The following SPIDR variants were observed in gnomAD, a reference collection of about 807,000 sequenced individuals.
SPIDR encodes the protein DNA repair-scaffolding protein.
A neutral mutation model predicts 104.6 loss-of-function variants in SPIDR; 93 were observed. The ratio of observed to expected loss-of-function variants is 0.89; its 90% CI spans 0.75 to 1.06. The LOEUF is 1.06. Among genes scored for constraint, SPIDR ranks in the 50% least tolerant of loss-of-function variants. The probability of loss-of-function intolerance (pLI) is 0.00; values close to 1 mark genes in which losing one functional copy is unlikely to be tolerated. For synonymous variants in SPIDR, 431 were observed against 416.9 expected (o/e 1.03, Z -0.41); for missense variants, 1,154 against 1,111.2 (o/e 1.04, Z -0.55).
intron 8 of SPIDR, among the ~76,000 whole-genome samples, chr8:47,477,144 G>GA (rs1351922843): frequency 6.6e-6 from 1 of 152,098 alleles, no homozygotes; most frequent in African/African-American, 2.4e-5. Context: ...CAGGGCCTAT[G>GA]AAACACTTAA....
intron 5 of SPIDR, among the ~76,000 whole-genome samples, chr8:47,334,143 A>G (rs2049269847): frequency 6.6e-6 from 1 of 152,202 alleles, no homozygotes; most frequent in Non-Finnish European, 1.5e-5. Flanking sequence ...AAGATGTTAT[A>G]TAATTTCTGT....
chr8:47,378,947 G>A (rs1416805785), intron 5 of SPIDR, among the ~76,000 whole-genome samples: 5 of 152,234 alleles, frequency 3.3e-5, no homozygotes, highest in African/African-American at 1.2e-4. Context: ...CTAAAGAGCA[G>A]AACCTATATT....
At chr8:47,370,882 C>G (rs2057927842) in intron 5 of SPIDR, among the ~76,000 whole-genome samples, 1 of 152,096 alleles carries the variant, frequency 6.6e-6, no homozygotes, top group Admixed American at 6.5e-5. Flanking sequence ...CCTGTAGCCC[C>G]TGCCACATTT....
intron 8 of SPIDR, among the ~76,000 whole-genome samples, chr8:47,534,968 A>G (rs2086659709): frequency 6.6e-6 from 1 of 152,140 alleles, no homozygotes; most frequent in Non-Finnish European, 1.5e-5. Flanking sequence ...GACCATTACT[A>G]CTGATCCCAT....
intron 8 of SPIDR, among the ~76,000 whole-genome samples, chr8:47,540,441 G>A (rs1466922530): frequency 1.3e-5 from 2 of 152,072 alleles, no homozygotes; most frequent in Admixed American, 1.3e-4. Flanking sequence ...TATTTTACCA[G>A]GAAAAGCATT....
chr8:47,345,660 C>A (rs1367442093), intron 5 of SPIDR, among the ~76,000 whole-genome samples: 6 of 152,112 alleles, frequency 3.9e-5, no homozygotes, highest in Admixed American at 3.9e-4. Flanking sequence ...TTGTAGTTCT[C>A]CTTGAAGAGG....
At chr8:47,553,705 C>T (rs749659987) in intron 8 of SPIDR, among the ~76,000 whole-genome samples, 6 of 152,146 alleles carry the variant, frequency 3.9e-5, no homozygotes, top group South Asian at 2.1e-4. Context: ...TCCTTTAGCT[C>T]GGAGAAGTTT....
intron 5 of SPIDR, among the ~76,000 whole-genome samples, chr8:47,393,936 A>C (rs1588122614): frequency 1.4e-5 from 2 of 141,156 alleles, no homozygotes; most frequent in East Asian, 2.1e-4. Context: ...CTTTCTTCTC[A>C]CTCTGTCACC....
intron 7 of SPIDR, among the ~76,000 whole-genome samples, chr8:47,409,361 A>G (rs2063196069): frequency 6.6e-6 from 1 of 152,110 alleles, no homozygotes; most frequent in South Asian, 2.1e-4. Context: ...GTTTTTCAAC[A>G]AATTGCTTGA....
At chr8:47,709,308 T>G (rs1448146492) in intron 14 of SPIDR, among the ~76,000 whole-genome samples, 1 of 152,120 alleles carries the variant, frequency 6.6e-6, no homozygotes, top group East Asian at 1.9e-4. Context: ...ACCAGCTAAT[T>G]TTTGTATTTT....
At chr8:47,489,299 T>C (rs1564118602) in intron 8 of SPIDR, among the ~76,000 whole-genome samples, 1 of 152,202 alleles carries the variant, frequency 6.6e-6, no homozygotes, top group Non-Finnish European at 1.5e-5. Context: ...TTACAAGGGA[T>C]GTGAAGGACC....
chr8:47,414,958 C>G (rs1450072648), intron 7 of SPIDR, among the ~76,000 whole-genome samples: 1 of 152,088 alleles, frequency 6.6e-6, no homozygotes, highest in African/African-American at 2.4e-5. Context: ...GGCTGGAGTG[C>G]AGTGGCACCA....
At chr8:47,343,892 A>G (rs1267024895) in intron 5 of SPIDR, among the ~76,000 whole-genome samples, 1 of 152,088 alleles carries the variant, frequency 6.6e-6, no homozygotes, top group Non-Finnish European at 1.5e-5. Flanking sequence ...AAATGCTTGT[A>G]GGACATTCTT....
At chr8:47,682,731 A>G (rs775258975) in intron 11 of SPIDR, among the ~76,000 whole-genome samples, 11 of 152,222 alleles carry the variant, frequency 7.2e-5, no homozygotes, top group Non-Finnish European at 1.3e-4. Flanking sequence ...AAGGTATAAC[A>G]TAAGGAATAG....
chr8:47,407,882 A>G lies in SPIDR; in HGVS notation c.798A>G (p.Leu266=). The G allele has an allele frequency of 6.2e-7, 1 of 1,601,584 alleles. No homozygotes were observed. Residue 266 remains leucine (L), a synonymous_variant, in exon 7 of 20, where the codon CTA becomes CTG. Coordinates refer to ENST00000297423, the MANE Select transcript of SPIDR (RefSeq NM_001080394.4). ...KLLRGGLAER[L]NGLQNRERSA... is the part of the protein sequence containing the mutation. ...ACAGAGGTGGACTAGCAGAAAGACTAAATGGACTGCAGAATCGAGAGAGAT... is the reference window on the plus strand; with the variant it reads ...ACAGAGGTGGACTAGCAGAAAGACTGAATGGACTGCAGAATCGAGAGAGAT...
intron 5 of SPIDR, among the ~76,000 whole-genome samples, chr8:47,386,818 T>C (rs1423802449): frequency 2.0e-5 from 3 of 151,428 alleles, no homozygotes; most frequent in African/African-American, 7.3e-5. Context: ...TTTACTATAG[T>C]TGAAGGGAGC....
chr8:47,417,150 G>A (rs543108216), intron 7 of SPIDR, among the ~76,000 whole-genome samples: 4 of 152,306 alleles, frequency 2.6e-5, no homozygotes, highest in Admixed American at 6.5e-5. Context: ...CCAGTAATGG[G>A]ATGGCTGGGT....
At chr8:47,501,025 A>G (rs1005064218) in intron 8 of SPIDR, among the ~76,000 whole-genome samples, 19 of 152,296 alleles carry the variant, frequency 1.2e-4, no homozygotes, top group Non-Finnish European at 2.8e-4. Flanking sequence ...TACCAGTACC[A>G]TGCTGTTTTG....
At chr8:47,649,632 G>T (rs1043451976) in intron 10 of SPIDR, among the ~76,000 whole-genome samples, 3 of 152,166 alleles carry the variant, frequency 2.0e-5, no homozygotes, top group Admixed American at 1.3e-4. Context: ...GCGGCTATAT[G>T]GGAAAAAGTC....
Sources: gnomAD v4.1 joint callset for allele counts (sites outside exome capture counted in the v4.1 genomes callset) on GRCh38, gnomAD v4.1.1 for gene constraint, MANE v1.5 for transcripts, NCBI Gene and HGNC (gene_info 2026-07-23, HGNC 2026-07-21) for gene names.